Variants in ST6GALNAC3 observed in about 807,000 individuals in gnomAD.
The protein encoded by ST6GALNAC3 is ST6 N-acetylgalactosaminide alpha-2,6-sialyltransferase 3.
In ST6GALNAC3, 25 loss-of-function variants were observed where a neutral mutation model predicts 32.7. The ratio of observed to expected loss-of-function variants is 0.76; its 90% CI spans 0.56 to 1.07. The LOEUF is 1.07. Ranked by LOEUF, ST6GALNAC3 falls within the 50% of genes least tolerant of loss-of-function variation. The pLI is 0.00. For missense variants in ST6GALNAC3, 355 were observed against 382.4 expected (o/e 0.93, Z 0.60); for synonymous variants, 129 against 133.1 (o/e 0.97, Z 0.21).
intron 3 of ST6GALNAC3, among the ~76,000 whole-genome samples, chr1:76,439,164 C>T (rs563811235): frequency 6.6e-6 from 1 of 152,274 alleles, no homozygotes; most frequent in Non-Finnish European, 1.5e-5. Context: ...AATGTGGAGA[C>T]TCTCTACCTA....
intron 3 of ST6GALNAC3, among the ~76,000 whole-genome samples, chr1:76,485,269 A>G (rs977036125): frequency 2.6e-5 from 4 of 152,018 alleles, no homozygotes; most frequent in Admixed American, 2.0e-4. Context: ...CTCTTTTTCT[A>G]TTGATTGGAA....
chr1:76,307,597 A>T (rs1177570290), intron 1 of ST6GALNAC3, among the ~76,000 whole-genome samples: 1 of 152,152 alleles, frequency 6.6e-6, no homozygotes, highest in Non-Finnish European at 1.5e-5. Flanking sequence ...ACAGCATGTG[A>T]ACAAAAGTGT....
intron 3 of ST6GALNAC3, among the ~76,000 whole-genome samples, chr1:76,521,422 G>A (rs547244928): frequency 1.3e-5 from 2 of 152,120 alleles, no homozygotes; most frequent in East Asian, 1.9e-4. Context: ...TGCTAAGTGG[G>A]CAACTGAGCT....
chr1:76,626,885 G>C (rs1023848499), intron 3 of ST6GALNAC3, among the ~76,000 whole-genome samples: 1 of 151,868 alleles, frequency 6.6e-6, no homozygotes, highest in African/African-American at 2.4e-5. Flanking sequence ...TGGTAACATA[G>C]GTCTTAAAAA....
intron 1 of ST6GALNAC3, among the ~76,000 whole-genome samples, chr1:76,203,403 C>A: frequency 6.6e-6 from 1 of 152,106 alleles, no homozygotes; most frequent in East Asian, 1.9e-4. Flanking sequence ...CATTAGTCTG[C>A]GGTTGGTAAG....
chr1:76,557,529 A>G (rs1478224342), intron 3 of ST6GALNAC3, among the ~76,000 whole-genome samples: 1 of 152,078 alleles, frequency 6.6e-6, no homozygotes, highest in Non-Finnish European at 1.5e-5. Flanking sequence ...CATGCATCTA[A>G]ATTCTGCAGT....
chr1:76,435,898 G>C (rs1656107420), intron 3 of ST6GALNAC3, among the ~76,000 whole-genome samples: 1 of 151,220 alleles, frequency 6.6e-6, no homozygotes, highest in African/African-American at 2.4e-5. Flanking sequence ...GGTTATTGGG[G>C]AACAGGTGGT....
rs539477119 is a variant in ST6GALNAC3 at position 76,268,049 on chromosome 1, G to A, written c.19-45756G>A. Among the ~76,000 whole-genome samples the A allele has an allele frequency of 1.2e-3, 184 of 152,302 alleles. 1 individual carries two copies. The highest frequency in any genetic ancestry group is 2.3e-3 in the South Asian group (11 of 4,824). On this transcript the variant is annotated intron_variant, in intron 1 of 4. Transcript: ENST00000328299. ...ATAGGACTCACAGATCTCCATTTAT[G>A]TAGGGAAGAAAATTGTAGTCCTATC...
At chr1:76,615,292 C>A (rs1648222111) in intron 3 of ST6GALNAC3, among the ~76,000 whole-genome samples, 1 of 152,044 alleles carries the variant, frequency 6.6e-6, no homozygotes, top group Non-Finnish European at 1.5e-5. Context: ...ATATGTAGTT[C>A]TTTTTATCAT....
At chr1:76,370,090 A>G (rs111313248) in intron 2 of ST6GALNAC3, among the ~76,000 whole-genome samples, 4 of 152,200 alleles carry the variant, frequency 2.6e-5, no homozygotes, top group African/African-American at 9.7e-5. Context: ...TCTCAGTGAT[A>G]AAGCAGCAGG....
At chr1:76,489,483 C>T (rs1028462932) in intron 3 of ST6GALNAC3, among the ~76,000 whole-genome samples, 28 of 152,032 alleles carry the variant, frequency 1.8e-4, no homozygotes, top group Non-Finnish European at 1.8e-4. Flanking sequence ...TCTCTCTCTT[C>T]CCCTCTTTCT....
At chr1:76,133,952 C>A (rs1379411739) in intron 1 of ST6GALNAC3, among the ~76,000 whole-genome samples, 2 of 152,194 alleles carry the variant, frequency 1.3e-5, no homozygotes, top group Admixed American at 6.5e-5. Flanking sequence ...AGGTTACAGG[C>A]AACGACCCCA....
rs2100753084 is a variant in ST6GALNAC3 at position 76,092,796 on chromosome 1, G to A, written c.18+17912G>A. On this transcript the variant is annotated intron_variant, in intron 1 of 4. Coordinates refer to ENST00000328299, the MANE Select transcript of ST6GALNAC3 (RefSeq NM_152996.4). Reference sequence around the variant, plus strand: ...CCAAATTGTCCAAGGCCATTCCATGGTGAGCAGCAGAGTTGAGGTTCAAAC... The same window carrying A: ...CCAAATTGTCCAAGGCCATTCCATGATGAGCAGCAGAGTTGAGGTTCAAAC... Among the ~76,000 whole-genome samples, 3 of 152,276 alleles carry A rather than the reference G, an allele frequency of 2.0e-5. No homozygotes were observed. The Middle Eastern group carries it at 0.01, about 518-fold the overall frequency.
chr1:76,275,621 C>CT (rs1557745237), intron 1 of ST6GALNAC3, among the ~76,000 whole-genome samples: 1 of 152,108 alleles, frequency 6.6e-6, no homozygotes, highest in Admixed American at 6.5e-5. Context: ...GGGGTGTAAT[C>CT]TTTTTTTCTG....
At chr1:76,202,729 T>G (rs1654603132) in intron 1 of ST6GALNAC3, among the ~76,000 whole-genome samples, 1 of 152,230 alleles carries the variant, frequency 6.6e-6, no homozygotes, top group African/African-American at 2.4e-5. Context: ...GTGAAAAATC[T>G]GCCCAGAGTC....
intron 3 of ST6GALNAC3, among the ~76,000 whole-genome samples, chr1:76,490,866 G>GC (rs1557482928): frequency 6.8e-6 from 1 of 146,386 alleles, no homozygotes; most frequent in Non-Finnish European, 1.5e-5. Context: ...CTTTTTTTTT[G>GC]TTTTTTTTTG....
At chr1:76,214,992 G>C (rs933251512) in intron 1 of ST6GALNAC3, among the ~76,000 whole-genome samples, 1 of 152,168 alleles carries the variant, frequency 6.6e-6, no homozygotes, top group Admixed American at 6.5e-5. Context: ...ATAATAGGGT[G>C]CTCATATCAA....
At chr1:76,535,396 A>G (rs1663532885) in intron 3 of ST6GALNAC3, among the ~76,000 whole-genome samples, 1 of 152,182 alleles carries the variant, frequency 6.6e-6, no homozygotes, top group South Asian at 2.1e-4. Context: ...TTGATGGGAC[A>G]GTAATCACAA....
chr1:76,215,239 A>G (rs1655387564), intron 1 of ST6GALNAC3, among the ~76,000 whole-genome samples: 1 of 152,214 alleles, frequency 6.6e-6, no homozygotes, highest in Non-Finnish European at 1.5e-5. Flanking sequence ...GTAAATAATA[A>G]TTAAGAAAAC....
Sources: gnomAD v4.1 joint callset for allele counts (sites outside exome capture counted in the v4.1 genomes callset) on GRCh38, gnomAD v4.1.1 for gene constraint, MANE v1.5 for transcripts, NCBI Gene and HGNC (gene_info 2026-07-23, HGNC 2026-07-21) for gene names.